Variants in UBE2E2 observed in about 807,000 individuals in gnomAD.
The protein encoded by UBE2E2 is ubiquitin conjugating enzyme E2 E2, also known as ubiquitin-conjugating enzyme E2 E2.
Under a neutral mutation model 24.7 loss-of-function variants are expected in UBE2E2, and 6 were observed. The observed-to-expected ratio is 0.24, with a 90% CI of 0.13 to 0.48. The LOEUF (loss-of-function observed/expected upper bound fraction) is 0.48, where lower values mean the gene tolerates loss of function less well. Ranked by LOEUF, UBE2E2 falls within the 20% of genes least tolerant of loss-of-function variation. UBE2E2 has a pLI of 0.99. For synonymous variants in UBE2E2, 104 were observed against 83.6 expected, an observed-to-expected ratio of 1.24 and a Z score of -1.33; for missense variants, 169 against 245.0, an observed-to-expected ratio of 0.69 and a Z score of 2.07.
chr3:23,396,096 T>C (rs890267173), intron 3 of UBE2E2, among the ~76,000 whole-genome samples: 3 of 151,818 alleles, frequency 2.0e-5, no homozygotes, highest in African/African-American at 4.8e-5. Flanking sequence ...TTTAAGACTT[T>C]TTAATGCATT....
chr3:23,359,555 G>A (rs965052141), intron 3 of UBE2E2, among the ~76,000 whole-genome samples: 6 of 151,920 alleles, frequency 3.9e-5, no homozygotes, highest in African/African-American at 1.5e-4. Context: ...TTTAATGGTA[G>A]CATATTTGAA....
chr3:23,321,526 G>C (rs962924296), intron 3 of UBE2E2, among the ~76,000 whole-genome samples: 1 of 151,534 alleles, frequency 6.6e-6, no homozygotes, highest in Non-Finnish European at 1.5e-5. Flanking sequence ...ATGTTCACCA[G>C]CTGCTAAATC....
At chr3:23,405,805 G>T (rs1490002080) in intron 3 of UBE2E2, among the ~76,000 whole-genome samples, 1 of 152,078 alleles carries the variant, frequency 6.6e-6, no homozygotes, top group African/African-American at 2.4e-5. Context: ...TTATTTTAAG[G>T]CATTCCCAAA....
intron 3 of UBE2E2, among the ~76,000 whole-genome samples, chr3:23,435,465 C>T (rs1256337558): frequency 2.0e-5 from 3 of 152,170 alleles, no homozygotes; most frequent in Non-Finnish European, 4.4e-5. Context: ...GGAAGGATTC[C>T]TGCCATAGGG....
intron 3 of UBE2E2, among the ~76,000 whole-genome samples, chr3:23,217,874 A>G (rs944491269): frequency 2.6e-5 from 4 of 152,150 alleles, no homozygotes; most frequent in African/African-American, 9.7e-5. Flanking sequence ...CTTTTAGGAA[A>G]GAAAAGTGCT....
chr3:23,264,017 T>G (rs542333140), intron 3 of UBE2E2, among the ~76,000 whole-genome samples: 14 of 152,268 alleles, frequency 9.2e-5, no homozygotes, highest in Admixed American at 2.6e-4. Context: ...CATTACTGAG[T>G]GCTTACTATG....
At chr3:23,217,000 T>C (rs1696493143) in intron 2 of UBE2E2, among the ~76,000 whole-genome samples, 1 of 152,162 alleles carries the variant, frequency 6.6e-6, no homozygotes, top group Admixed American at 6.6e-5. Flanking sequence ...GAAATTTTAA[T>C]TAGTGCTGTC....
intron 4 of UBE2E2, among the ~76,000 whole-genome samples, chr3:23,528,974 A>G (rs1392738951): frequency 6.6e-6 from 1 of 152,190 alleles, no homozygotes; most frequent in Non-Finnish European, 1.5e-5. Flanking sequence ...TAAGAAAGGA[A>G]CAAATTATTG....
At chr3:23,229,519 T>C (rs1396630503) in intron 3 of UBE2E2, among the ~76,000 whole-genome samples, 1 of 152,196 alleles carries the variant, frequency 6.6e-6, no homozygotes, top group Non-Finnish European at 1.5e-5. Context: ...GGTAGTAGTT[T>C]TGTACAGCAT....
chr3:23,584,609 A>C (rs1039623694), intron 5 of UBE2E2, among the ~76,000 whole-genome samples: 16 of 151,432 alleles, frequency 1.1e-4, no homozygotes, highest in Non-Finnish European at 1.9e-4. Flanking sequence ...GCTGGAGTAC[A>C]GTGGCGCAAT....
chr3:23,252,832 G>A (rs976095807), intron 3 of UBE2E2, among the ~76,000 whole-genome samples: 2 of 152,078 alleles, frequency 1.3e-5, no homozygotes, highest in Non-Finnish European at 2.9e-5. Context: ...TTATGTCCCC[G>A]CAGTAGAAAG....
chr3:23,432,662 G>T (rs1269960159), intron 3 of UBE2E2, among the ~76,000 whole-genome samples: 1 of 151,726 alleles, frequency 6.6e-6, no homozygotes, highest in Non-Finnish European at 1.5e-5. Context: ...TTTGGTAGTG[G>T]TTTTCTCAAT....
Position 23,589,353 on chromosome 3 carries a change from G to A in UBE2E2, c.509-381G>A, listed in dbSNP as rs188475686. Among the ~76,000 whole-genome samples, 9 of 151,920 alleles carry A rather than the reference G, an allele frequency of 5.9e-5. No homozygotes were observed. Among genetic ancestry groups the A allele is most frequent in the African/African-American group, 2.2e-4 (9 of 41,454 alleles). Reference sequence around the variant, plus strand: ...GAGGAGGATTGCTTGATCCCAGGAGGTCAAGGCTACACTGAGCTGTGATCA... The same window carrying A: ...GAGGAGGATTGCTTGATCCCAGGAGATCAAGGCTACACTGAGCTGTGATCA... On this transcript the variant is annotated intron_variant, in intron 5 of 5. Transcript: ENST00000396703. This position sits in a 1 kb window ranked among gnomAD's most constrained non-coding sequence, Gnocchi z 4.1.
intron 4 of UBE2E2, among the ~76,000 whole-genome samples, chr3:23,524,292 G>A (rs763080094): frequency 1.3e-5 from 2 of 151,830 alleles, no homozygotes; most frequent in Non-Finnish European, 2.9e-5. Flanking sequence ...ATTTATATAT[G>A]GAGTCTTGCC....
intron 5 of UBE2E2, among the ~76,000 whole-genome samples, chr3:23,539,548 A>G (rs1335059257): frequency 6.6e-6 from 1 of 152,162 alleles, no homozygotes; most frequent in East Asian, 1.9e-4. Context: ...ATCTTCATGT[A>G]TCTTTTCCTT....
intron 3 of UBE2E2, among the ~76,000 whole-genome samples, chr3:23,255,635 A>G (rs995801980): frequency 3.3e-5 from 5 of 152,322 alleles, no homozygotes; most frequent in Admixed American, 2.6e-4. Context: ...GGAAGTGATC[A>G]GTCTAAGCTC....
At chr3:23,243,113 G>T (rs964540165) in intron 3 of UBE2E2, among the ~76,000 whole-genome samples, 1 of 150,524 alleles carries the variant, frequency 6.6e-6, no homozygotes, top group Admixed American at 6.7e-5. Flanking sequence ...GAAAAGAAAA[G>T]AAAATAGTTA....
chr3:23,473,819 G>A (rs950194342), intron 3 of UBE2E2, among the ~76,000 whole-genome samples: 3 of 152,016 alleles, frequency 2.0e-5, no homozygotes, highest in Non-Finnish European at 2.9e-5. Context: ...GGACATTTGG[G>A]TTGGTTCCAC....
rs1044107657 is a variant in UBE2E2 at position 23,589,331 on chromosome 3, G to A, written c.509-403G>A. Among the ~76,000 whole-genome samples, 1 of 151,938 alleles carries A rather than the reference G, an allele frequency of 6.6e-6. No homozygotes were observed. Among genetic ancestry groups the A allele is most frequent in the Non-Finnish European group, 1.5e-5 (1 of 67,980 alleles). On this transcript the variant is annotated intron_variant, in intron 5 of 5. Transcript: ENST00000396703. This position sits in a 1 kb window ranked among gnomAD's most constrained non-coding sequence, Gnocchi z 4.1. ...GCTACTCAGGAGGCTGAGGCAGGAG[G>A]AGGATTGCTTGATCCCAGGAGGTCA...
Sources: allele counts gnomAD v4.1 joint callset (sites outside exome capture counted in the v4.1 genomes callset), GRCh38; gene constraint gnomAD v4.1.1; non-coding constraint Gnocchi (gnomAD v3.1); transcripts MANE v1.5; gene names NCBI Gene and HGNC (gene_info 2026-07-23, HGNC 2026-07-21).